Variants in PCCA observed in about 807,000 individuals in gnomAD.
The protein encoded by PCCA is propionyl-CoA carboxylase subunit alpha, also known as propionyl-CoA carboxylase alpha chain, mitochondrial.
Under a neutral mutation model 101.3 loss-of-function variants are expected in PCCA, and 74 were observed. The observed-to-expected ratio is 0.73, with a 90% confidence interval of 0.61 to 0.89. The LOEUF is 0.89. Among genes scored for constraint, PCCA ranks in the 40% least tolerant of loss-of-function variants. PCCA has a pLI of 0.00. For missense variants in PCCA, 891 were observed against 907.0 expected (o/e 0.98, Z 0.23); for synonymous variants, 294 against 313.6 (o/e 0.94, Z 0.66).
At chr13:100,225,658 T>G (rs1453544671) in intron 7 of PCCA, among the ~76,000 whole-genome samples, 1 of 152,198 alleles carries the variant, frequency 6.6e-6, no homozygotes, top group Non-Finnish European at 1.5e-5. Flanking sequence ...ATTAGTGTAT[T>G]TGTCCCTGCT....
intron 21 of PCCA, chr13:100,490,689 C>G (rs1173164659): frequency 6.6e-6 from 1 of 152,246 alleles, no homozygotes; most frequent in Admixed American, 6.5e-5. Context: ...TTCCATCACC[C>G]CAAAAGTTCC....
rs1033144736 is a variant in PCCA at position 100,364,555 on chromosome 13, C to T, written c.1644-3917C>T. 3.3e-5 allele frequency among the ~76,000 whole-genome samples: 5 copies of T among 152,120 alleles called. No individual in the cohort carries two copies. The East Asian group carries it at 9.7e-4, about 29-fold the overall frequency. ...ATCTGCCAGTTAACTGGCATATATG[C>T]CCAACCCATCCATTTTATTTAAAAA... is the stretch of plus-strand genomic sequence containing the variant. On this transcript the variant is annotated intron_variant, in intron 18 of 23. Coordinates refer to ENST00000376285, the MANE Select transcript of PCCA (RefSeq NM_000282.4).
intron 17 of PCCA, among the ~76,000 whole-genome samples, chr13:100,335,429 T>C (rs1489513190): frequency 2.0e-5 from 3 of 152,208 alleles, no homozygotes; most frequent in Non-Finnish European, 4.4e-5. Context: ...AATCCTAAGC[T>C]GACAATGAGA....
At chr13:100,304,207 T>C (rs1215185097) in intron 14 of PCCA, among the ~76,000 whole-genome samples, 1 of 152,246 alleles carries the variant, frequency 6.6e-6, no homozygotes, top group Admixed American at 6.5e-5. Flanking sequence ...TTTTATGTAA[T>C]AACATTTGCA....
intron 2 of PCCA, among the ~76,000 whole-genome samples, chr13:100,109,207 T>C (rs2048086679): frequency 6.6e-6 from 1 of 152,200 alleles, no homozygotes; most frequent in Admixed American, 6.5e-5. Context: ...ATTCAAATCA[T>C]TCTCACAACC....
At chr13:100,290,273 A>G (rs535762675) in intron 12 of PCCA, among the ~76,000 whole-genome samples, 11 of 151,638 alleles carry the variant, frequency 7.3e-5, no homozygotes, top group Non-Finnish European at 1.6e-4. Flanking sequence ...GTGCAGTGGC[A>G]TGAACCTGGT....
At position 100,118,641 on chromosome 13, in the gene PCCA, T is replaced by C. The variant is rs1000373013; in HGVS notation, c.300+6580T>C. On this transcript the variant is annotated intron_variant, in intron 4 of 23. Transcript: ENST00000376285. Reference sequence around the variant, plus strand: ...TATAACTCACTGCAGCCTGACTTCCTGGGCACAAGCGATCCTCCCACCTTA... The same window carrying C: ...TATAACTCACTGCAGCCTGACTTCCCGGGCACAAGCGATCCTCCCACCTTA... Among the ~76,000 whole-genome samples, 167 of 152,196 alleles carry C rather than the reference T, an allele frequency of 1.1e-3. 6 individuals are homozygous for C. The highest frequency in any genetic ancestry group is 0.011 in the Admixed American group (164 of 15,268).
chr13:100,508,955 G>A (rs1480687412), intron 21 of PCCA, among the ~76,000 whole-genome samples: 1 of 152,092 alleles, frequency 6.6e-6, no homozygotes, highest in Non-Finnish European at 1.5e-5. Flanking sequence ...CGATCCAGGT[G>A]TCCTTAGTTC....
chr13:100,252,690 G>C (rs891551306), intron 8 of PCCA, among the ~76,000 whole-genome samples: 1 of 152,140 alleles, frequency 6.6e-6, no homozygotes, highest in Non-Finnish European at 1.5e-5. Flanking sequence ...TTTTAACTTG[G>C]AATCCATAAC....
At chr13:100,530,070 C>T in intron 23 of PCCA, 28 bp from the exon 24 acceptor site, 1 of 1,583,254 alleles carries the variant, frequency 6.3e-7, no homozygotes, top group Non-Finnish European at 8.7e-7. Flanking sequence ...CTTACTCTCC[C>T]CTCCCCCTGC....
chr13:100,462,704 G>A (rs2082251985), intron 21 of PCCA, among the ~76,000 whole-genome samples: 1 of 152,110 alleles, frequency 6.6e-6, no homozygotes. Context: ...TTGAAAATGA[G>A]CACAAAACCT....
intron 19 of PCCA, among the ~76,000 whole-genome samples, chr13:100,399,808 G>A (rs2077229631): frequency 6.6e-6 from 1 of 152,200 alleles, no homozygotes. Flanking sequence ...TGCAGTGTAT[G>A]TGATGACTGA....
At chr13:100,315,816 C>A (rs919591048) in intron 16 of PCCA, among the ~76,000 whole-genome samples, 1 of 152,120 alleles carries the variant, frequency 6.6e-6, no homozygotes. Context: ...CCACACCTCC[C>A]AGTCATAATT....
At chr13:100,224,291 G>T (rs1280691361) in intron 7 of PCCA, among the ~76,000 whole-genome samples, 2 of 152,262 alleles carry the variant, frequency 1.3e-5, no homozygotes, top group Non-Finnish European at 2.9e-5. Context: ...CTGCTGGCCA[G>T]GGTGCTAAGT....
chr13:100,388,621 C>T (rs9518064), intron 19 of PCCA, among the ~76,000 whole-genome samples: 34,537 of 152,114 alleles, frequency 0.23, 4,682 homozygotes, highest in Middle Eastern at 0.4. Context: ...CATGGTGAAA[C>T]CCAGTCTCTA....
chr13:100,282,606 C>G (rs769610410), intron 12 of PCCA, among the ~76,000 whole-genome samples: 13 of 152,204 alleles, frequency 8.5e-5, no homozygotes, highest in African/African-American at 1.7e-4. Context: ...GGTCCCCCAG[C>G]AGTGCCAGCC....
At chr13:100,340,280 C>T in intron 18 of PCCA, 21 bp downstream of exon 18, 1 of 1,182,466 alleles carries the variant, frequency 8.5e-7, no homozygotes, top group Middle Eastern at 1.9e-4. Context: ...TCATTTAAAA[C>T]AGAATAAATG....
In PCCA at chr13:100,341,957, GTATA is replaced by G. The variant is rs35822001; in HGVS notation, c.1643+1720_1643+1723del. Among the ~76,000 whole-genome samples the G allele has an allele frequency of 2.8e-3, 295 of 107,072 alleles. 13 individuals are homozygous for G. The highest frequency in any genetic ancestry group is 0.011 in the Middle Eastern group (2 of 186). The allele number at this position is 107,072 out of a possible 152,430, so 70.2% of individuals were successfully genotyped here. A position where few individuals can be genotyped will look rare whatever the true frequency, so the allele number is the denominator to read the frequency against. On this transcript the variant is annotated intron_variant, in intron 18 of 23. Coordinates refer to ENST00000376285, the MANE Select transcript of PCCA (RefSeq NM_000282.4). ...TAATGTTTTGGTAGAACCCTTCAAA[GTATA>G]TATATATATATATATATATATGTAT...
chr13:100,373,985 G>A lies in PCCA; in HGVS notation c.1746+5411G>A, dbSNP rs571318719. Among the ~76,000 whole-genome samples, 23 of 152,092 alleles carry A rather than the reference G, an allele frequency of 1.5e-4. No individual in the cohort carries two copies. In the South Asian group the frequency reaches 3.7e-3, roughly 25 times the overall value. Reference sequence around the variant, plus strand: ...AAATTAGCCAAGTGTGGTAGCACGCGCCTGTAATCCCAGCTACTTGAGAGG... The same window carrying A: ...AAATTAGCCAAGTGTGGTAGCACGCACCTGTAATCCCAGCTACTTGAGAGG... On this transcript the variant is annotated intron_variant, in intron 19 of 23. Coordinates refer to ENST00000376285, the MANE Select transcript of PCCA (RefSeq NM_000282.4).
Sources: allele counts gnomAD v4.1 joint callset (sites outside exome capture counted in the v4.1 genomes callset), GRCh38; gene constraint gnomAD v4.1.1; transcripts MANE v1.5; gene names NCBI Gene and HGNC (gene_info 2026-07-23, HGNC 2026-07-21).